SPIRE2: variants seen among roughly 807,000 people sequenced by gnomAD.
The protein encoded by SPIRE2 is spire type actin nucleation factor 2.
A neutral mutation model predicts 80.7 loss-of-function variants in SPIRE2; 76 were observed. The observed-to-expected ratio is 0.94, with a 90% CI of 0.78 to 1.14. SPIRE2 has a LOEUF of 1.14. Among genes scored for constraint, SPIRE2 ranks in the 50% most tolerant of loss-of-function variants. SPIRE2 has a pLI of 0.00. For missense variants in SPIRE2, 1,196 were observed against 1,015.3 expected, an observed-to-expected ratio of 1.18 and a Z score of -2.42; for synonymous variants, 535 against 432.6, an observed-to-expected ratio of 1.24 and a Z score of -2.94.
chr16:89,838,759 G>T (rs1242715921), intron 1 of SPIRE2, among the ~76,000 whole-genome samples: 1 of 152,324 alleles, frequency 6.6e-6, no homozygotes, highest in East Asian at 1.9e-4. Context: ...CGTGCTAGGA[G>T]TGTTTTTCAT....
chr16:89,852,815 G>C (rs1217612979), intron 3 of SPIRE2, among the ~76,000 whole-genome samples: 6 of 19,810 alleles, frequency 3.0e-4, no homozygotes, highest in Admixed American at 5.8e-4. Context: ...TCACCCCCCG[G>C]ATCCCATGGC....
intron 4 of SPIRE2, 56 bp downstream of exon 4, chr16:89,854,422 C>G (rs550558007): frequency 9.9e-6 from 16 of 1,610,908 alleles, no homozygotes; most frequent in Admixed American, 3.3e-5. Flanking sequence ...TGCCAAGGGT[C>G]TCTGCCTGGG....
intron 5 of SPIRE2, among the ~76,000 whole-genome samples, chr16:89,855,218 G>A (rs994717118): frequency 1.3e-5 from 2 of 152,170 alleles, no homozygotes; most frequent in Non-Finnish European, 2.9e-5. Context: ...GATTACAGAT[G>A]TGAGCCACCT....
In SPIRE2 at chr16:89,863,051, T is replaced by C. The variant is rs1327193178; in HGVS notation, c.1576-425T>C. 6 of 194,078 alleles carry C rather than the reference T, an allele frequency of 3.1e-5. No homozygotes were observed. The highest frequency in any genetic ancestry group is 2.6e-4 in the Admixed American group (5 of 18,954). 12.0% of individuals were successfully genotyped at this position (194,078 alleles called of 1,614,324 possible). On this transcript the variant is annotated intron_variant, in intron 10 of 14. Coordinates refer to ENST00000378247, the MANE Select transcript of SPIRE2 (RefSeq NM_032451.2). The surrounding 1 kb of genome is among the most constrained non-coding windows in gnomAD (Gnocchi z 4.3). The stretch of plus-strand genomic sequence containing the variant: ...ACACGGGAGGTGTGCTGAGCGCAGA[T>C]GGGCAGATGCAAGCTGAGGTGGCCT...
chr16:89,833,813 G>A (rs1038528712), intron 1 of SPIRE2, among the ~76,000 whole-genome samples: 2 of 152,190 alleles, frequency 1.3e-5, no homozygotes, highest in African/African-American at 4.8e-5. Flanking sequence ...GTTCTGCAAG[G>A]TGCACCCGGT....
chr16:89,855,490 G>A, intron 5 of SPIRE2, 110 bp from the exon 6 acceptor site: 2 of 868,214 alleles, frequency 2.3e-6, no homozygotes, highest in Non-Finnish European at 3.7e-6. Context: ...GAGTGGGAGG[G>A]CGGGTAGGTG....
In SPIRE2 at chr16:89,868,346, C is replaced by T. The variant is rs138810485; in HGVS notation, c.1806+130C>T. 6.6e-4 allele frequency: 642 copies of T among 971,080 alleles called. 6 individuals carry two copies. The African/African-American group carries it at 9.8e-3, about 15-fold the overall frequency. 60.2% of individuals were successfully genotyped at this position (971,080 alleles called of 1,614,324 possible). A position where few individuals can be genotyped will look rare whatever the true frequency, so the allele number is the denominator to read the frequency against. ...CATTTCCTTTCAGGCAGAATCCATT[C>T]CTATACTTTCCAAGATAGTGTGCAG... On this transcript the variant is annotated intron_variant, in intron 13 of 14. Transcript: ENST00000378247.
At chr16:89,839,058 G>T (rs941200050) in intron 1 of SPIRE2, among the ~76,000 whole-genome samples, 3 of 152,006 alleles carry the variant, frequency 2.0e-5, no homozygotes, top group African/African-American at 7.2e-5. Context: ...CTGTTAGGAG[G>T]GGGCTGGGCG....
In SPIRE2 at chr16:89,860,775, G is replaced by A. The variant is rs74417767; in HGVS notation, c.1555G>A (p.Asp519Asn). 3,979 of 1,544,076 alleles carry A rather than the reference G, an allele frequency of 2.6e-3. 9 individuals are homozygous for A. Among genetic ancestry groups the A allele is most frequent in the Non-Finnish European group, 3.2e-3 (3,615 of 1,145,990 alleles). The change falls in exon 10 of 15, where the codon GAT becomes AAT. Residue 519 changes from aspartate (D) to asparagine (N), a missense_variant. Asp to Asn is a conservative substitution (Grantham distance 23, BLOSUM62 1). Transcript: ENST00000378247. ...GDRPEASMTP[D>N]AKHLWLEFSH... ...CAGACCCGAGGCCTCCATGACCCCC[G>A]ATGCCAAACACCTGTGGCTGGTGAG...
rs191577638 is a variant in SPIRE2 at position 89,860,584 on chromosome 16, C to T, written c.1463-99C>T. On this transcript the variant is annotated intron_variant, in intron 9 of 14. Transcript: ENST00000378247. The stretch of plus-strand genomic sequence containing the variant: ...TCTCCCCTTGACCTTTTGCTTGGTT[C>T]CCCTGGAGCCCTCCACCATCTCTAT... 1.7e-4 allele frequency: 134 copies of T among 799,582 alleles called. 2 individuals carry two copies. Among genetic ancestry groups the T allele is most frequent in the African/African-American group, 1.5e-3 (87 of 57,106 alleles). The allele number at this position is 799,582 out of a possible 1,614,324, so 49.5% of individuals were successfully genotyped here.
intron 2 of SPIRE2, among the ~76,000 whole-genome samples, chr16:89,848,258 C>A (rs1448544333): frequency 1.3e-5 from 2 of 152,228 alleles, no homozygotes; most frequent in Non-Finnish European, 2.9e-5. Context: ...GCCCTGCTGT[C>A]ACTGGTCGGG....
intron 1 of SPIRE2, among the ~76,000 whole-genome samples, chr16:89,831,001 C>T (rs1378662824): frequency 6.7e-6 from 1 of 149,708 alleles, no homozygotes; most frequent in South Asian, 2.1e-4. Context: ...GCTCCACCTC[C>T]CGGGTTCACG....
intron 10 of SPIRE2, chr16:89,862,036 C>T (rs2143823877): frequency 6.8e-6 from 1 of 147,010 alleles, no homozygotes; most frequent in Non-Finnish European, 1.5e-5. Flanking sequence ...AAGAGTCTGG[C>T]TCTGTCGCCC....
At chr16:89,846,563 G>C (rs1205660420) in intron 2 of SPIRE2, 2 of 151,782 alleles carry the variant, frequency 1.3e-5, no homozygotes, top group African/African-American at 2.4e-5. Flanking sequence ...CACCAGGCTG[G>C]AGTGCAGTGG....
intron 12 of SPIRE2, among the ~76,000 whole-genome samples, chr16:89,864,928 G>A (rs536987504): frequency 1.9e-4 from 29 of 152,136 alleles, no homozygotes; most frequent in South Asian, 1.7e-3. Flanking sequence ...TTTGTAACAC[G>A]TGTGTAAGTA....
chr16:89,831,826 C>T (rs1419204400), intron 1 of SPIRE2, among the ~76,000 whole-genome samples: 1 of 151,338 alleles, frequency 6.6e-6, no homozygotes, highest in African/African-American at 2.4e-5. Context: ...GGCCATCTGC[C>T]TCTAAGGCAC....
At chr16:89,855,240 C>T (rs190040524) in intron 5 of SPIRE2, among the ~76,000 whole-genome samples, 1 of 152,284 alleles carries the variant, frequency 6.6e-6, no homozygotes, top group East Asian at 1.9e-4. Flanking sequence ...CCTGGCCTGG[C>T]TGTAGGATAT....
chr16:89,867,897 G>A (rs898379048), intron 12 of SPIRE2, among the ~76,000 whole-genome samples: 2 of 152,134 alleles, frequency 1.3e-5, no homozygotes, highest in Non-Finnish European at 2.9e-5. Context: ...CCACCACTAT[G>A]TTTAAACCTT....
chr16:89,849,906 C>T (rs951416274), intron 2 of SPIRE2: 4 of 351,246 alleles, frequency 1.1e-5, no homozygotes, highest in Non-Finnish European at 2.2e-5. Flanking sequence ...GGCCCGATCT[C>T]GGTTCACTGC....
Sources: gnomAD v4.1 joint callset for allele counts (sites outside exome capture counted in the v4.1 genomes callset) on GRCh38, gnomAD v4.1.1 for gene constraint, Gnocchi (gnomAD v3.1) non-coding constraint, MANE v1.5 for transcripts, NCBI Gene and HGNC (gene_info 2026-07-23, HGNC 2026-07-21) for gene names.